FBN2: variants seen among roughly 807,000 people sequenced by gnomAD.
FBN2 encodes fibrillin-2.
In FBN2, 105 loss-of-function variants were observed where a neutral mutation model predicts 355.6. That is an observed-to-expected ratio of 0.30 (90% CI 0.25 to 0.35). FBN2 has a LOEUF of 0.35. Among genes scored for constraint, FBN2 ranks in the 10% least tolerant of loss-of-function variants. FBN2 has a pLI of 1.00. For synonymous variants in FBN2, 1,350 were observed against 1,301.2 expected (o/e 1.04, Z -0.81); for missense variants, 3,280 against 3,758.7 (o/e 0.87, Z 3.33).
In FBN2 at chr5:128,271,874, G is replaced by C. The variant is rs932061413; in HGVS notation, c.7960+125C>G. ...ATGAGTCCCCATGCATCAGTCTTAA[G>C]GACTGGGTTTAAAGTCTAAAATTCA... On this transcript the variant is annotated intron_variant, in intron 62 of 64. Coordinates refer to ENST00000262464, the MANE Select transcript of FBN2 (RefSeq NM_001999.4). The C allele has an allele frequency of 4.5e-6, 5 of 1,099,452 alleles. No individual in the cohort carries two copies. The African/African-American group carries it at 4.6e-5, about 10-fold the overall frequency. 68.1% of individuals were successfully genotyped at this position (1,099,452 alleles called of 1,614,324 possible).
chr5:128,350,906 C>T lies in FBN2; in HGVS notation c.2774G>A (p.Gly925Glu). 6.2e-7 allele frequency: 1 copy of T among 1,614,168 alleles called. No individual in the cohort carries two copies. ...TLKSECCATLGAAWGSPCERC... is the reference protein window; with the variant it reads ...TLKSECCATLEAAWGSPCERC... ...CTCACAGGGGCTCCCCCAGGCGGCTCCGAGGGTGGCACAGCATTCAGATTT... is the reference window on the plus strand; with the variant it reads ...CTCACAGGGGCTCCCCCAGGCGGCTTCGAGGGTGGCACAGCATTCAGATTT... The change falls in exon 21 of 65, where the codon GGA (glycine) becomes GAA (glutamate). Residue 925 changes from glycine (G) to glutamate (E), a missense_variant. Around this residue, in one of 6 missense-constraint regions of FBN2, gnomAD observed 2,284 missense variants for 2,749.5 expected, o/e 0.83. Transcript: ENST00000262464.
chr5:128,481,820 A>C (rs977195611), intron 5 of FBN2, among the ~76,000 whole-genome samples: 2 of 152,194 alleles, frequency 1.3e-5, no homozygotes, highest in South Asian at 2.1e-4. Flanking sequence ...CACACATTTC[A>C]CATTTATCAT....
chr5:128,402,955 G>A (rs979302064), intron 8 of FBN2, among the ~76,000 whole-genome samples: 3 of 152,112 alleles, frequency 2.0e-5, no homozygotes, highest in Admixed American at 6.5e-5. Flanking sequence ...AGTGAATGAC[G>A]GGCTTCTTCC....
intron 53 of FBN2, among the ~76,000 whole-genome samples, chr5:128,287,903 A>G (rs1749201740): frequency 6.6e-6 from 1 of 152,168 alleles, no homozygotes; most frequent in Admixed American, 6.5e-5. Flanking sequence ...TTTTTCATCT[A>G]GTCAGCTCAA....
At chr5:128,385,172 A>T (rs1752333683) in intron 11 of FBN2, among the ~76,000 whole-genome samples, 1 of 152,116 alleles carries the variant, frequency 6.6e-6, no homozygotes, top group African/African-American at 2.4e-5. Context: ...TAATAAGCCT[A>T]GTGCCTGATA....
At chr5:128,398,738 A>T (rs1343412392) in intron 8 of FBN2, among the ~76,000 whole-genome samples, 2 of 152,128 alleles carry the variant, frequency 1.3e-5, no homozygotes, top group Non-Finnish European at 2.9e-5. Flanking sequence ...CCCAAATCTC[A>T]TCGTGAATTC....
At chr5:128,378,706 A>G in intron 12 of FBN2, 65 bp downstream of exon 12, 1 of 1,578,674 alleles carries the variant, frequency 6.3e-7, no homozygotes, top group Admixed American at 1.7e-5. Context: ...TTTACTTTTA[A>G]CCTCAACAGC....
chr5:128,345,196 G>A (rs1396368184), intron 24 of FBN2, among the ~76,000 whole-genome samples, 161 bp downstream of exon 24: 1 of 152,186 alleles, frequency 6.6e-6, no homozygotes, highest in Non-Finnish European at 1.5e-5. Context: ...CCATCTTATA[G>A]GGGATTTATA....
At chr5:128,288,317 AC>A in intron 53 of FBN2, 120 bp downstream of exon 53, 6 of 1,199,442 alleles carry the variant, frequency 5.0e-6, no homozygotes, top group South Asian at 4.2e-5. Context: ...AACCCAAAAA[AC>A]AAAAAACCCC....
At chr5:128,388,805 T>C (rs1179491925) in intron 11 of FBN2, among the ~76,000 whole-genome samples, 2 of 152,158 alleles carry the variant, frequency 1.3e-5, no homozygotes, top group East Asian at 1.9e-4. Context: ...AATCTGATGA[T>C]TGTATGTCTT....
Position 128,334,920 on chromosome 5 carries a change from A to C in FBN2, c.3974-76T>G, listed in dbSNP as rs558291975. ...AAAGCTATCTTCTACACTGAATAGCATAATACTGAAATACACAGGCAAGAT... is the reference window on the plus strand; with the variant it reads ...AAAGCTATCTTCTACACTGAATAGCCTAATACTGAAATACACAGGCAAGAT... On this transcript the variant is annotated intron_variant, in intron 30 of 64. Transcript: ENST00000262464. 7.0e-5 allele frequency: 93 copies of C among 1,338,004 alleles called. 2 individuals carry two copies. The South Asian group carries it at 9.1e-4, about 13-fold the overall frequency. 82.9% of individuals were successfully genotyped at this position (1,338,004 alleles called of 1,614,324 possible).
chr5:128,314,174 C>T (rs1404501988), intron 36 of FBN2, among the ~76,000 whole-genome samples: 1 of 152,202 alleles, frequency 6.6e-6, no homozygotes, highest in East Asian at 1.9e-4. Flanking sequence ...TCATCCCTGG[C>T]TGCATATTAG....
In FBN2 at chr5:128,274,652, G is replaced by A. The variant is rs914339978; in HGVS notation, c.7626C>T (p.Asn2542=). Residue 2542 remains asparagine, a synonymous_variant, in exon 60 of 65, where the codon AAC becomes AAT. Transcript: ENST00000262464. ...DLDECQTKQH[N]CQFLCVNTLG... ...GGGTGTTGACACAGAGGAACTGGCA[G>A]TTATGCTGCTTTGTTTGACATTCAT... 1.9e-6 allele frequency: 3 copies of A among 1,612,656 alleles called. No homozygotes were observed. The highest frequency in any genetic ancestry group is 3.3e-5 in the Admixed American group (2 of 60,016).
At chr5:128,390,975 T>C (rs1165767227) in intron 11 of FBN2, among the ~76,000 whole-genome samples, 1 of 152,194 alleles carries the variant, frequency 6.6e-6, no homozygotes, top group Non-Finnish European at 1.5e-5. Context: ...GATTTTTTGA[T>C]AGTACATAGT....
chr5:128,480,972 A>G (rs1755168132), intron 5 of FBN2, among the ~76,000 whole-genome samples: 1 of 152,218 alleles, frequency 6.6e-6, no homozygotes, highest in Non-Finnish European at 1.5e-5. Flanking sequence ...TGAAAGCTGC[A>G]AGAAACCACT....
chr5:128,390,937 T>G (rs1260977647), intron 11 of FBN2, among the ~76,000 whole-genome samples: 1 of 152,218 alleles, frequency 6.6e-6, no homozygotes, highest in Non-Finnish European at 1.5e-5. Context: ...GGCATTTTTA[T>G]GAGTTTGATG....
chr5:128,288,457 C>T lies in FBN2; in HGVS notation c.6738G>A (p.Gly2246=). 1.9e-6 allele frequency: 3 copies of T among 1,614,030 alleles called. No homozygotes were observed. Among genetic ancestry groups the T allele is most frequent in the Non-Finnish European group, 2.5e-6 (3 of 1,179,956 alleles). Residue 2246 remains glycine (G), a synonymous_variant, in exon 53 of 65, where the codon GGG becomes GGA. Transcript: ENST00000262464. The part of the protein sequence containing the change: ...ECNCNEGFEP[G]PMMNCEDINE... ...ACTTGCCTTCACAATTCATCATGGG[C>T]CCTGGCTCAAAGCCTTCATTGCAAT...
At chr5:128,518,586 T>G (rs1756349360) in intron 5 of FBN2, among the ~76,000 whole-genome samples, 2 of 152,114 alleles carry the variant, frequency 1.3e-5, no homozygotes, top group South Asian at 4.1e-4. Context: ...ATGAACTATT[T>G]TAAAAACTCA....
chr5:128,289,539 G>A (rs1405011643), intron 51 of FBN2, among the ~76,000 whole-genome samples: 1 of 151,902 alleles, frequency 6.6e-6, no homozygotes, highest in Non-Finnish European at 1.5e-5. Flanking sequence ...CAGTCAGCTG[G>A]ATCGCACCAC....
Sources: allele counts gnomAD v4.1 joint callset (sites outside exome capture counted in the v4.1 genomes callset), GRCh38; gene constraint gnomAD v4.1.1; regional missense constraint gnomAD v4.1.1; transcripts MANE v1.5; gene names NCBI Gene and HGNC (gene_info 2026-07-23, HGNC 2026-07-21).